GATAD2A: variants seen among roughly 807,000 people sequenced by gnomAD.
The protein encoded by GATAD2A is transcriptional repressor p66-alpha.
In GATAD2A, 12 loss-of-function variants were observed where a neutral mutation model predicts 68.5. The observed-to-expected ratio is 0.18, with a 90% CI of 0.11 to 0.28. The LOEUF (loss-of-function observed/expected upper bound fraction) is 0.28. Among genes scored for constraint, GATAD2A ranks in the 10% least tolerant of loss-of-function variants. GATAD2A has a pLI of 1.00. For missense variants in GATAD2A, 755 were observed against 868.5 expected, an observed-to-expected ratio of 0.87 and a Z score of 1.64; for synonymous variants, 410 against 375.3, an observed-to-expected ratio of 1.09 and a Z score of -1.07.
At chr19:19,400,385 C>G (rs1307057351) in intron 1 of GATAD2A, among the ~76,000 whole-genome samples, 2 of 152,102 alleles carry the variant, frequency 1.3e-5, no homozygotes, top group Admixed American at 6.6e-5. Context: ...AACAAACACA[C>G]GTTGACAAAG....
chr19:19,410,569 T>G (rs1305615388), intron 1 of GATAD2A, among the ~76,000 whole-genome samples: 4 of 152,184 alleles, frequency 2.6e-5, no homozygotes, highest in Non-Finnish European at 5.9e-5. Flanking sequence ...GATATTCTGG[T>G]TTGAACCTTG....
intron 4 of GATAD2A, among the ~76,000 whole-genome samples, 192 bp downstream of exon 4, chr19:19,492,904 A>G (rs1451537362): frequency 6.6e-6 from 1 of 150,834 alleles, no homozygotes; most frequent in Non-Finnish European, 1.5e-5. Flanking sequence ...AGTGAATTTC[A>G]GTCTAGAGTA....
chr19:19,426,319 T>TG (rs2053088431), intron 1 of GATAD2A, among the ~76,000 whole-genome samples: 1 of 152,140 alleles, frequency 6.6e-6, no homozygotes, highest in African/African-American at 2.4e-5. Flanking sequence ...GTACCCAAGA[T>TG]GAGCTAGTCA....
intron 7 of GATAD2A, among the ~76,000 whole-genome samples, chr19:19,496,869 G>T (rs1032589581): frequency 6.6e-6 from 1 of 152,166 alleles, no homozygotes; most frequent in African/African-American, 2.4e-5. Context: ...GGGCGTGTTC[G>T]CTCTTTCTTC....
intron 1 of GATAD2A, among the ~76,000 whole-genome samples, chr19:19,462,506 C>T (rs564381797): frequency 3.3e-5 from 5 of 152,366 alleles, no homozygotes; most frequent in South Asian, 2.1e-4. Flanking sequence ...GGCAGGCGGG[C>T]GCTGTGAGGC....
At chr19:19,444,786 G>T (rs1453486066) in intron 1 of GATAD2A, among the ~76,000 whole-genome samples, 4 of 149,714 alleles carry the variant, frequency 2.7e-5, no homozygotes, top group African/African-American at 9.9e-5. Flanking sequence ...TGGGAGGATT[G>T]CTTGAGCCCT....
At chr19:19,479,212 C>T (rs993030272) in intron 2 of GATAD2A, among the ~76,000 whole-genome samples, 1 of 152,158 alleles carries the variant, frequency 6.6e-6, no homozygotes, top group Non-Finnish European at 1.5e-5. Flanking sequence ...ACATTAAAAT[C>T]CGTGGGACTC....
chr19:19,450,484 A>G (rs1029849899), intron 1 of GATAD2A, among the ~76,000 whole-genome samples: 1 of 152,050 alleles, frequency 6.6e-6, no homozygotes, highest in Non-Finnish European at 1.5e-5. Context: ...GGGAGGTACT[A>G]CTTCACTTGA....
chr19:19,445,070 A>ACT (rs1018310571), intron 1 of GATAD2A, among the ~76,000 whole-genome samples: 2 of 151,106 alleles, frequency 1.3e-5, no homozygotes, highest in Non-Finnish European at 2.9e-5. Flanking sequence ...ACATTCTCAT[A>ACT]CTCCCAGGCA....
intron 2 of GATAD2A, among the ~76,000 whole-genome samples, chr19:19,481,626 A>G (rs1044447595): frequency 6.6e-6 from 1 of 152,016 alleles, no homozygotes; most frequent in African/African-American, 2.4e-5. Context: ...GCACCTGGCC[A>G]TATTTTGTTT....
intron 1 of GATAD2A, among the ~76,000 whole-genome samples, chr19:19,425,129 A>G (rs995864103): frequency 1.2e-4 from 19 of 152,046 alleles, no homozygotes; most frequent in Admixed American, 1.1e-3. Flanking sequence ...TGGAGGTTTT[A>G]TTTCTTGGCA....
chr19:19,407,446 T>C (rs1482721701), intron 1 of GATAD2A, among the ~76,000 whole-genome samples: 2 of 152,108 alleles, frequency 1.3e-5, no homozygotes, highest in African/African-American at 4.8e-5. Flanking sequence ...TATCTGCGCT[T>C]TACAGGTCAG....
intron 1 of GATAD2A, among the ~76,000 whole-genome samples, chr19:19,390,898 C>T (rs550379680): frequency 1.4e-4 from 21 of 152,192 alleles, no homozygotes; most frequent in South Asian, 8.3e-4. Flanking sequence ...AGCCATTTGA[C>T]GCCACACAAT....
intron 2 of GATAD2A, among the ~76,000 whole-genome samples, chr19:19,476,364 C>G (rs1413612925): frequency 6.6e-6 from 1 of 152,226 alleles, no homozygotes; most frequent in Non-Finnish European, 1.5e-5. Flanking sequence ...TGTATTCCTG[C>G]TGTTGTCTTA....
rs552995061 is a variant in GATAD2A, at chr19:19,474,462, G to A, written c.269+8848G>A. Among the ~76,000 whole-genome samples, 15 of 152,278 alleles carry A rather than the reference G, an allele frequency of 9.9e-5. No homozygotes were observed. The South Asian group carries it at 3.1e-3, about 32-fold the overall frequency. Reference sequence around the variant, plus strand: ...TGAGACTGGTCTTGCCTCTTTTCCGGTTTTCCAGGGATGCACTCACAGAGT... The same window carrying A: ...TGAGACTGGTCTTGCCTCTTTTCCGATTTTCCAGGGATGCACTCACAGAGT... On this transcript the variant is annotated intron_variant, in intron 2 of 11. Coordinates refer to ENST00000683918, the MANE Select transcript of GATAD2A (RefSeq NM_001384528.1).
chr19:19,405,203 G>A (rs926899052), upstream of GATAD2A, among the ~76,000 whole-genome samples: 3 of 152,010 alleles, frequency 2.0e-5, no homozygotes, highest in Non-Finnish European at 4.4e-5. Context: ...CACTGCACTG[G>A]AGAAGTGATC....
chr19:19,494,560 A>C (rs1426933983), intron 5 of GATAD2A, among the ~76,000 whole-genome samples, 177 bp downstream of exon 5: 1 of 152,206 alleles, frequency 6.6e-6, no homozygotes, highest in African/African-American at 2.4e-5. Context: ...GCACACGTGC[A>C]CTTTCCAAGC....
intron 1 of GATAD2A, among the ~76,000 whole-genome samples, chr19:19,413,965 C>T (rs917646902): frequency 6.6e-6 from 1 of 152,100 alleles, no homozygotes; most frequent in African/African-American, 2.4e-5. Flanking sequence ...CTCCTGCCTC[C>T]CTTCCCCAAA....
In GATAD2A at chr19:19,493,060, C is replaced by T. The variant is rs561380370; in HGVS notation, c.534+348C>T. Among the ~76,000 whole-genome samples, 7 of 152,208 alleles carry T rather than the reference C, an allele frequency of 4.6e-5. No homozygotes were observed. The East Asian group carries it at 9.7e-4, about 21-fold the overall frequency. Reference sequence around the variant, plus strand: ...GGTTCAGGTGATTCTCCCGCCTCAGCCTCCCGAGTAGCTGGGACTACAGGC... The same window carrying T: ...GGTTCAGGTGATTCTCCCGCCTCAGTCTCCCGAGTAGCTGGGACTACAGGC... On this transcript the variant is annotated intron_variant, in intron 4 of 11. Coordinates refer to ENST00000683918, the MANE Select transcript of GATAD2A (RefSeq NM_001384528.1).
Sources: allele counts gnomAD v4.1 joint callset (sites outside exome capture counted in the v4.1 genomes callset), GRCh38; gene constraint gnomAD v4.1.1; transcripts MANE v1.5; gene names NCBI Gene and HGNC (gene_info 2026-07-23, HGNC 2026-07-21).